The following ZC3H8 variants were observed in gnomAD, a reference collection of about 807,000 sequenced individuals.
ZC3H8 encodes the protein zinc finger CCCH-type containing 8, also known as zinc finger CCCH domain-containing protein 8.
In ZC3H8, 27 loss-of-function variants were observed where a neutral mutation model predicts 42.5. The observed-to-expected ratio is 0.64, with a 90% CI of 0.47 to 0.88. ZC3H8 has a LOEUF of 0.88. Ranked by LOEUF, ZC3H8 falls within the 40% of genes least tolerant of loss-of-function variation. The pLI is 0.00. For missense variants in ZC3H8, 277 were observed against 336.1 expected (o/e 0.82, Z 1.37); for synonymous variants, 101 against 110.1 (o/e 0.92, Z 0.52).
intron 8 of ZC3H8, among the ~76,000 whole-genome samples, chr2:112,226,605 A>AAAAAAAAAAAAG (rs60734001): frequency 6.7e-6 from 1 of 150,130 alleles, no homozygotes; most frequent in African/African-American, 2.5e-5. Context: ...AAAAAAAAAA[A>AAAAAAAAAAAAG]GCTCAGGCCC....
At chr2:112,223,703 T>C (rs910278518) in intron 8 of ZC3H8, among the ~76,000 whole-genome samples, 8 of 152,166 alleles carry the variant, frequency 5.3e-5, no homozygotes, top group African/African-American at 1.4e-4. Flanking sequence ...AAATGACTGA[T>C]ATAATCTAGA....
intron 8 of ZC3H8, among the ~76,000 whole-genome samples, chr2:112,224,384 A>T (rs141062275): frequency 5.9e-5 from 9 of 152,362 alleles, no homozygotes; most frequent in Non-Finnish European, 1.2e-4. Context: ...ACTCTTATCA[A>T]GCTACAATTT....
Position 112,238,496 on chromosome 2 carries a change from C to T in ZC3H8, c.189G>A (p.Ser63=), listed in dbSNP as rs368861756. The change falls in exon 3 of 9, where the codon TCG becomes TCA. Residue 63 remains serine, a synonymous_variant. Coordinates refer to ENST00000409573, the MANE Select transcript of ZC3H8 (RefSeq NM_032494.3). ...CCTTACTTCTTGATTTTCTATGCAG[C>T]GAACTTTTTGGTGATATTGCAGAGT... The part of the protein sequence containing the change: ...FRHSAISPKS[S]LHRKSRSKDY... 3.2e-5 allele frequency: 51 copies of T among 1,611,390 alleles called. No individual in the cohort carries two copies. Among genetic ancestry groups the T allele is most frequent in the South Asian group, 1.4e-4 (13 of 90,670 alleles).
At position 112,236,596 on chromosome 2, in the gene ZC3H8, T is replaced by C; in HGVS notation, c.470A>G (p.Asn157Ser). ...KWPGPGNKGSNALLRNSGSQE... is the reference protein window; with the variant it reads ...KWPGPGNKGSSALLRNSGSQE... ...TGAGCCGCTGTTCCTCAGCAAAGCA[T>C]TTGATCCTTTGTTTCCAGGGCCAGG... Residue 157 changes from asparagine to serine, a missense_variant, in exon 4 of 9, where the codon AAT becomes AGT. Physicochemically the swap from Asn to Ser is conservative, Grantham distance 46. Coordinates refer to ENST00000409573, the MANE Select transcript of ZC3H8 (RefSeq NM_032494.3). 1 of 1,614,038 alleles carries C rather than the reference T, an allele frequency of 6.2e-7. No homozygotes were observed. The highest frequency in any genetic ancestry group is 8.5e-7 in the Non-Finnish European group (1 of 1,179,894).
chr2:112,214,270 G>C lies in ZC3H8; in HGVS notation c.*2214C>G, dbSNP rs1684246336. ...TAAGAATTGTTTTTATGAAATTATT[G>C]AGAGATTTTGCCTCCTGCTTCCTTT... On this transcript the variant is annotated 3_prime_UTR_variant, in exon 9 of 9. Coordinates refer to ENST00000409573, the MANE Select transcript of ZC3H8 (RefSeq NM_032494.3). The C allele has an allele frequency of 6.6e-6, 1 of 152,084 alleles. No individual in the cohort carries two copies. Among genetic ancestry groups the C allele is most frequent in the Non-Finnish European group, 1.5e-5 (1 of 68,040 alleles). 9.4% of individuals were successfully genotyped at this position (152,084 alleles called of 1,614,324 possible). A position where few individuals can be genotyped will look rare whatever the true frequency, so the allele number is the denominator to read the frequency against.
Position 112,254,776 on chromosome 2 carries a change from G to A in ZC3H8, c.74+132C>T, listed in dbSNP as rs571974832. The stretch of plus-strand genomic sequence containing the variant: ...TAGGTCAGACGGTGGCGCCCGGCCG[G>A]CCCACGTGCTCCCCACGGGCCCTCG... On this transcript the variant is annotated intron_variant, in intron 1 of 8. Transcript: ENST00000409573. 38 of 1,069,382 alleles carry A rather than the reference G, an allele frequency of 3.6e-5. No individual in the cohort carries two copies. In the South Asian group the frequency reaches 5.5e-4, roughly 16 times the overall value. The allele number at this position is 1,069,382 out of a possible 1,614,324, so 66.2% of individuals were successfully genotyped here.
chr2:112,250,948 C>A (rs1039179278), intron 1 of ZC3H8, among the ~76,000 whole-genome samples: 38 of 152,178 alleles, frequency 2.5e-4, no homozygotes, highest in Non-Finnish European at 4.3e-4. Flanking sequence ...ATATATATAA[C>A]AGTCTGAGAC....
In ZC3H8 at chr2:112,233,319, A is replaced by C; in HGVS notation, c.674T>G (p.Met225Arg). The change falls in exon 6 of 9, where the codon ATG (methionine) becomes AGG (arginine). Residue 225 changes from methionine (M) to arginine (R), a missense_variant. Met to Arg is a moderately conservative substitution (Grantham distance 91, BLOSUM62 -1). Coordinates refer to ENST00000409573, the MANE Select transcript of ZC3H8 (RefSeq NM_032494.3). ...HDAEIEKKKE[M>R]CKFYVQGYCT... The stretch of plus-strand genomic sequence containing the variant: ...ATATCCTTGTACATAAAACTTACAC[A>C]TTTCCTTTTTCTTTTCTATCTCTGC... The C allele has an allele frequency of 6.2e-7, 1 of 1,601,166 alleles. No individual in the cohort carries two copies. The highest frequency in any genetic ancestry group is 8.5e-7 in the Non-Finnish European group (1 of 1,173,178).
chr2:112,212,438 G>A lies in ZC3H8; in HGVS notation c.*4046C>T, dbSNP rs1334228776. ...TAGTTTTTGGTGAAGAGGATGGCGA[G>A]GGGGAGAAACATGGACTTTGGGAAG... On this transcript the variant is annotated 3_prime_UTR_variant, in exon 9 of 9. Coordinates refer to ENST00000409573, the MANE Select transcript of ZC3H8 (RefSeq NM_032494.3). 6.6e-6 allele frequency: 1 copy of A among 152,244 alleles called. No homozygotes were observed. The highest frequency in any genetic ancestry group is 1.5e-5 in the Non-Finnish European group (1 of 68,054). 9.4% of individuals were successfully genotyped at this position (152,244 alleles called of 1,614,324 possible).
intron 8 of ZC3H8, among the ~76,000 whole-genome samples, chr2:112,218,554 C>A (rs1293586823): frequency 6.6e-6 from 1 of 151,974 alleles, no homozygotes; most frequent in African/African-American, 2.4e-5. Context: ...TTTACAGTAC[C>A]CAAAAAGAAT....
chr2:112,237,639 G>T (rs1685397249), intron 3 of ZC3H8, among the ~76,000 whole-genome samples: 1 of 148,706 alleles, frequency 6.7e-6, no homozygotes, highest in Non-Finnish European at 1.5e-5. Flanking sequence ...TGCACTGTGT[G>T]ATCTCGGCTC....
intron 8 of ZC3H8, among the ~76,000 whole-genome samples, chr2:112,224,617 T>C (rs970090522): frequency 1.3e-5 from 2 of 152,196 alleles, no homozygotes; most frequent in African/African-American, 2.4e-5. Context: ...TAAACAAGTA[T>C]ATCCATACAA....
chr2:112,243,702 G>A (rs1464270847), intron 2 of ZC3H8, among the ~76,000 whole-genome samples: 2 of 151,984 alleles, frequency 1.3e-5, no homozygotes, highest in Admixed American at 6.5e-5. Flanking sequence ...ATATAAATAC[G>A]TACATAACAT....
chr2:112,249,696 G>C (rs1046841159), intron 2 of ZC3H8, among the ~76,000 whole-genome samples: 3 of 151,950 alleles, frequency 2.0e-5, no homozygotes, highest in Non-Finnish European at 4.4e-5. Flanking sequence ...CATCCACCTC[G>C]GCCTCCCAAA....
rs114690329 is a variant in ZC3H8 at position 112,241,347 on chromosome 2, T to G, written c.157-2819A>C. ...ACCACCCACATGGAGGTACTAAATCTTCCATGGGCTGGCATTTGGGAGCAA... is the reference window on the plus strand; with the variant it reads ...ACCACCCACATGGAGGTACTAAATCGTCCATGGGCTGGCATTTGGGAGCAA... On this transcript the variant is annotated intron_variant, in intron 2 of 8. Transcript: ENST00000409573. 3.3e-3 allele frequency among the ~76,000 whole-genome samples: 495 copies of G among 152,212 alleles called. 6 individuals carry two copies. The highest frequency in any genetic ancestry group is 0.011 in the African/African-American group (476 of 41,522).
intron 4 of ZC3H8, among the ~76,000 whole-genome samples, chr2:112,234,514 A>T (rs1685231771): frequency 2.0e-5 from 3 of 152,332 alleles, no homozygotes; most frequent in Admixed American, 6.5e-5. Flanking sequence ...AAAATTTTTT[A>T]AATGGGCCAG....
At chr2:112,217,140 G>A (rs1405305985) in intron 8 of ZC3H8, among the ~76,000 whole-genome samples, 1 of 152,126 alleles carries the variant, frequency 6.6e-6, no homozygotes, top group South Asian at 2.1e-4. Context: ...AGACCAAGGC[G>A]GGTGGATCAC....
chr2:112,253,341 G>A (rs925580862), intron 1 of ZC3H8, among the ~76,000 whole-genome samples: 4 of 151,974 alleles, frequency 2.6e-5, no homozygotes, highest in African/African-American at 9.7e-5. Context: ...ATATCCCCAA[G>A]GCCGTAGCAG....
intron 8 of ZC3H8, among the ~76,000 whole-genome samples, chr2:112,224,473 T>TAGC (rs1354066557): frequency 1.3e-5 from 2 of 152,222 alleles, no homozygotes; most frequent in African/African-American, 2.4e-5. Context: ...AAAATATTAA[T>TAGC]AGCAGTCTCT....
Sources: allele counts gnomAD v4.1 joint callset (sites outside exome capture counted in the v4.1 genomes callset), GRCh38; gene constraint gnomAD v4.1.1; transcripts MANE v1.5; gene names NCBI Gene and HGNC (gene_info 2026-07-23, HGNC 2026-07-21).